Variants in CHD9 observed in about 807,000 individuals in gnomAD.
CHD9 encodes chromodomain helicase DNA binding protein 9.
A neutral mutation model predicts 316.1 loss-of-function variants in CHD9; 77 were observed. The ratio of observed to expected loss-of-function variants is 0.24; its 90% confidence interval spans 0.20 to 0.29. CHD9 has a LOEUF of 0.29. CHD9 is among the 10% of genes least tolerant of loss of function. The pLI, the probability that CHD9 is intolerant of heterozygous loss-of-function variation, is 1.00. For missense variants in CHD9, 2,763 were observed against 3,438.1 expected (o/e 0.80, Z 4.91); for synonymous variants, 1,129 against 1,158.3 (o/e 0.97, Z 0.51).
chr16:53,304,747 T>C (rs2055791139), intron 31 of CHD9, 122 bp downstream of exon 31: 1 of 842,946 alleles, frequency 1.2e-6, no homozygotes, highest in Non-Finnish European at 1.7e-6. Flanking sequence ...CAGGCTGGAG[T>C]GCAATGGCGC....
chr16:53,088,677 T>C (rs145146186), intron 1 of CHD9, among the ~76,000 whole-genome samples: 2 of 152,186 alleles, frequency 1.3e-5, no homozygotes, highest in Non-Finnish European at 2.9e-5. Flanking sequence ...GTGTTGGGCA[T>C]GGTTACCCAA....
Position 53,226,241 on chromosome 16 carries a change from AG to A in CHD9, c.1897-124del, listed in dbSNP as rs2047643091. The A allele has an allele frequency of 4.0e-5, 23 of 576,950 alleles. No homozygotes were observed. The South Asian group carries it at 6.2e-4, about 16-fold the overall frequency. The allele number at this position is 576,950 out of a possible 1,614,324, so 35.7% of individuals were successfully genotyped here. On this transcript the variant is annotated intron_variant, in intron 4 of 38. Transcript: ENST00000447540. ...CTCTAATTAAAAACAAAATAGGAAA[AG>A]ATAGTACATTGAGTGTCATGTTGAA...
chr16:53,231,593 C>T (rs565157715), intron 9 of CHD9, 54 bp from the exon 10 acceptor site: 2 of 1,411,082 alleles, frequency 1.4e-6, no homozygotes, highest in African/African-American at 2.9e-5. Flanking sequence ...TCTGTTTAAA[C>T]TATTTCTTAC....
At position 53,157,165 on chromosome 16, in the gene CHD9, T is replaced by C. The variant is rs2041576407; in HGVS notation, c.1076T>C (p.Met359Thr). 6.2e-7 allele frequency: 1 copy of C among 1,609,470 alleles called. No individual in the cohort carries two copies. The highest frequency in any genetic ancestry group is 8.5e-7 in the Non-Finnish European group (1 of 1,177,446). ...AATTCAAAATTATCTCCTGTGCACA[T>C]GAACTTCCCAGATCCTGTTGACTCA... ...YSNSKLSPVH[M>T]NFPDPVDSGT... Residue 359 changes from methionine (M) to threonine (T), a missense_variant, in exon 2 of 39, where the codon ATG becomes ACG. Met to Thr is a moderately conservative substitution (Grantham distance 81). Coordinates refer to ENST00000447540, the MANE Select transcript of CHD9 (RefSeq NM_001308319.2).
intron 30 of CHD9, among the ~76,000 whole-genome samples, chr16:53,300,148 T>C (rs1380803813): frequency 6.6e-6 from 1 of 152,122 alleles, no homozygotes; most frequent in Non-Finnish European, 1.5e-5. Context: ...GGTCAGGAGT[T>C]CGAGACCAGC....
intron 27 of CHD9, among the ~76,000 whole-genome samples, chr16:53,291,438 A>G (rs773159028): frequency 2.0e-5 from 3 of 152,220 alleles, no homozygotes; most frequent in Non-Finnish European, 2.9e-5. Context: ...GGGCATACCC[A>G]TAGTTAGAGG....
In CHD9 at chr16:53,285,109, T is replaced by G. The variant is rs192373639; in HGVS notation, c.4968-487T>G. ...ATCAAATTATGAATCAAAAATTTGC[T>G]ATTACAGGGCATTTTCAGTGTGGTT... is the stretch of plus-strand genomic sequence containing the variant. On this transcript the variant is annotated intron_variant, in intron 24 of 38. Coordinates refer to ENST00000447540, the MANE Select transcript of CHD9 (RefSeq NM_001308319.2). Among the ~76,000 whole-genome samples the G allele has an allele frequency of 5.3e-4, 80 of 152,276 alleles. No homozygotes were observed. The East Asian group carries it at 0.015, about 28-fold the overall frequency.
intron 13 of CHD9, among the ~76,000 whole-genome samples, chr16:53,244,394 G>C (rs1457020123): frequency 6.6e-6 from 1 of 151,746 alleles, no homozygotes; most frequent in African/African-American, 2.4e-5. Flanking sequence ...GGGTTTCTCC[G>C]TGTTACCCAG....
intron 27 of CHD9, 143 bp downstream of exon 27, chr16:53,288,157 G>C: frequency 3.1e-6 from 2 of 642,000 alleles, no homozygotes; most frequent in South Asian, 1.9e-5. Context: ...TGATCAACTT[G>C]GGTTGACAAA....
intron 37 of CHD9, 48 bp downstream of exon 37, chr16:53,318,388 A>G (rs2057034177): frequency 7.0e-7 from 1 of 1,425,624 alleles, no homozygotes; most frequent in Non-Finnish European, 9.6e-7. Flanking sequence ...TCAATATTTA[A>G]GAGATCTCCA....
intron 2 of CHD9, among the ~76,000 whole-genome samples, chr16:53,173,368 AATT>A (rs1176789337): frequency 6.6e-6 from 1 of 152,084 alleles, no homozygotes; most frequent in Non-Finnish European, 1.5e-5. Flanking sequence ...CTATACAATT[AATT>A]ATGTACATTT....
At chr16:53,113,132 C>T (rs768486794) in intron 1 of CHD9, among the ~76,000 whole-genome samples, 17 of 151,804 alleles carry the variant, frequency 1.1e-4, no homozygotes, top group Non-Finnish European at 2.4e-4. Context: ...TGCAGTGAGC[C>T]ATGATTGTAC....
At chr16:53,197,785 G>A in intron 2 of CHD9, among the ~76,000 whole-genome samples, 1 of 151,708 alleles carries the variant, frequency 6.6e-6, no homozygotes, top group East Asian at 1.9e-4. Context: ...CAGATCCTGA[G>A]TAGATAGGAC....
At chr16:53,181,807 C>T (rs188335650) in intron 2 of CHD9, among the ~76,000 whole-genome samples, 57 of 152,222 alleles carry the variant, frequency 3.7e-4, no homozygotes, top group Middle Eastern at 6.8e-3. Context: ...GGGCTGGATG[C>T]GGTGGCTCAC....
intron 3 of CHD9, among the ~76,000 whole-genome samples, chr16:53,217,758 C>T (rs1452340194): frequency 6.6e-6 from 1 of 151,858 alleles, no homozygotes; most frequent in African/African-American, 2.4e-5. Context: ...ATAGATAGAT[C>T]ATTTTATTTA....
chr16:53,199,680 C>T (rs930293045), intron 2 of CHD9, among the ~76,000 whole-genome samples: 8 of 152,126 alleles, frequency 5.3e-5, no homozygotes, highest in African/African-American at 1.9e-4. Context: ...TTATTTGGCT[C>T]CTACATGTAA....
At chr16:53,094,560 C>T (rs891534670) in intron 1 of CHD9, among the ~76,000 whole-genome samples, 1 of 152,180 alleles carries the variant, frequency 6.6e-6, no homozygotes, top group Non-Finnish European at 1.5e-5. Context: ...CACACACACC[C>T]TGCTTTATTT....
intron 1 of CHD9, among the ~76,000 whole-genome samples, chr16:53,091,987 C>T (rs1035047998): frequency 1.3e-5 from 2 of 152,220 alleles, no homozygotes; most frequent in African/African-American, 4.8e-5. Context: ...ATTCCTCTTT[C>T]AAATTGAGTC....
rs2050404647 is a variant in CHD9 at position 53,254,448 on chromosome 16, G to A, written c.3872G>A (p.Arg1291His). 6.4e-7 allele frequency: 1 copy of A among 1,565,056 alleles called. No individual in the cohort carries two copies. Among genetic ancestry groups the A allele is most frequent in the Non-Finnish European group, 8.7e-7 (1 of 1,151,936 alleles). The change falls in exon 18 of 39, where the codon CGT becomes CAT. Residue 1291 changes from arginine to histidine, a missense_variant. By Grantham distance (29) the Arg-to-His change is conservative (BLOSUM62 0). Around this residue, in one of 15 missense-constraint regions of CHD9, gnomAD observed 199 missense variants for 251.7 expected, o/e 0.79. Coordinates refer to ENST00000447540, the MANE Select transcript of CHD9 (RefSeq NM_001308319.2). ...TTTTCATTTTTATAGGCCCAAGCTC[G>A]TTGCCACAGAATTGGTCAGAACAAA... ...NPQNDLQAQA[R>H]CHRIGQNKAV...
Sources: allele counts gnomAD v4.1 joint callset (sites outside exome capture counted in the v4.1 genomes callset), GRCh38; gene constraint gnomAD v4.1.1; regional missense constraint gnomAD v4.1.1; transcripts MANE v1.5; gene names NCBI Gene and HGNC (gene_info 2026-07-23, HGNC 2026-07-21).